Variants in CIT observed in about 807,000 individuals in gnomAD.
CIT encodes the protein citron Rho-interacting kinase.
In CIT, 79 loss-of-function variants were observed where a neutral mutation model predicts 272.7. The observed-to-expected ratio is 0.29, with a 90% CI of 0.24 to 0.35. CIT has a LOEUF of 0.35. Among genes scored for constraint, CIT ranks in the 10% least tolerant of loss-of-function variants. The probability of loss-of-function intolerance (pLI) is 1.00; values close to 1 mark genes in which losing one functional copy is unlikely to be tolerated. For synonymous variants in CIT, 948 were observed against 995.6 expected (o/e 0.95, Z 0.90); for missense variants, 1,909 against 2,618.3 (o/e 0.73, Z 5.91).
At chr12:119,724,752 A>G (rs1220925329) in intron 28 of CIT, among the ~76,000 whole-genome samples, 1 of 152,048 alleles carries the variant, frequency 6.6e-6, no homozygotes, top group Non-Finnish European at 1.5e-5. Flanking sequence ...ATCCTGGCCA[A>G]CGTGGTGAAA....
rs1221821864 is a variant in CIT at position 119,687,577 on chromosome 12, A to G, written c.*655T>C. The G allele has an allele frequency of 2.6e-5, 4 of 152,502 alleles. No individual in the cohort carries two copies. The highest frequency in any genetic ancestry group is 9.7e-5 in the African/African-American group (4 of 41,396). The allele number at this position is 152,502 out of a possible 1,614,324, so 9.4% of individuals were successfully genotyped here. The stretch of plus-strand genomic sequence containing the variant: ...GGCCATAAAAGGCAATGAAAACAGT[A>G]AACATTTGGCTACGATGTCACCCTG... On this transcript the variant is annotated 3_prime_UTR_variant, in exon 48 of 48. Coordinates refer to ENST00000392521, the MANE Select transcript of CIT (RefSeq NM_001206999.2).
intron 44 of CIT, chr12:119,699,619 C>A: frequency 5.6e-6 from 2 of 357,538 alleles, no homozygotes; most frequent in Non-Finnish European, 1.1e-5. Flanking sequence ...TGGAAAGCAA[C>A]AAGGCCTCCA....
In CIT at chr12:119,776,932, G is replaced by A. The variant is rs188355111; in HGVS notation, c.1666-90C>T. 4.4e-6 allele frequency: 6 copies of A among 1,358,466 alleles called. No individual in the cohort carries two copies. In the East Asian group the frequency reaches 1.1e-4, roughly 26 times the overall value. 84.2% of individuals were successfully genotyped at this position (1,358,466 alleles called of 1,614,324 possible). ...GGATGGAAGAGTATTAACCACACAG[G>A]GAAGATGCACAGTGAAGAGAGACTG... is the stretch of plus-strand genomic sequence containing the variant. On this transcript the variant is annotated intron_variant, in intron 13 of 47. Transcript: ENST00000392521.
At chr12:119,754,619 C>T (rs1960703095) in intron 22 of CIT, among the ~76,000 whole-genome samples, 1 of 152,180 alleles carries the variant, frequency 6.6e-6, no homozygotes, top group Non-Finnish European at 1.5e-5. Flanking sequence ...GGGGGAAGGC[C>T]CAGGTCCTTT....
chr12:119,872,547 G>A (rs1950712520), intron 2 of CIT, among the ~76,000 whole-genome samples: 1 of 152,180 alleles, frequency 6.6e-6, no homozygotes, highest in Non-Finnish European at 1.5e-5. Context: ...TGGGCAGGGG[G>A]ATCTCAGCAT....
At chr12:119,715,779 G>T (rs1957430132) in intron 32 of CIT, among the ~76,000 whole-genome samples, 1 of 152,134 alleles carries the variant, frequency 6.6e-6, no homozygotes, top group South Asian at 2.1e-4. Context: ...GATGCATCTA[G>T]ATTTATAAGA....
intron 8 of CIT, among the ~76,000 whole-genome samples, chr12:119,823,294 C>A (rs1026248492): frequency 2.0e-5 from 3 of 152,186 alleles, no homozygotes; most frequent in African/African-American, 7.2e-5. Context: ...GATCCCTGAA[C>A]AAATCATGCT....
At chr12:119,706,388 G>T (rs532870250) in intron 40 of CIT, among the ~76,000 whole-genome samples, 1 of 152,058 alleles carries the variant, frequency 6.6e-6, no homozygotes, top group Non-Finnish European at 1.5e-5. Context: ...CATCACCTGC[G>T]TATTAAGCCT....
intron 5 of CIT, among the ~76,000 whole-genome samples, chr12:119,839,773 G>C (rs1220185165): frequency 6.6e-6 from 1 of 152,140 alleles, no homozygotes; most frequent in Non-Finnish European, 1.5e-5. Flanking sequence ...TATTTACAAA[G>C]GTTCAGGTTA....
At chr12:119,746,473 C>T (rs1210916301) in intron 23 of CIT, among the ~76,000 whole-genome samples, 1 of 152,184 alleles carries the variant, frequency 6.6e-6, no homozygotes, top group Non-Finnish European at 1.5e-5. Context: ...AAAACAGAAA[C>T]AGGAAGCTGA....
intron 4 of CIT, among the ~76,000 whole-genome samples, chr12:119,854,140 G>A (rs889470786): frequency 2.3e-4 from 35 of 151,816 alleles, no homozygotes; most frequent in African/African-American, 7.5e-4. Flanking sequence ...CAATTCTCCT[G>A]CCTCAGCTCC....
intron 28 of CIT, among the ~76,000 whole-genome samples, chr12:119,724,732 G>A (rs1957988923): frequency 6.6e-6 from 1 of 152,080 alleles, no homozygotes; most frequent in South Asian, 2.1e-4. Context: ...GAGGTCAAGA[G>A]ATCGAGACCA....
chr12:119,794,099 C>T (rs1339475281), intron 10 of CIT, among the ~76,000 whole-genome samples: 1 of 152,180 alleles, frequency 6.6e-6, no homozygotes, highest in Non-Finnish European at 1.5e-5. Flanking sequence ...TGGCCACCCC[C>T]AGGCAGTCTC....
chr12:119,710,581 C>T lies in CIT; in HGVS notation c.4894G>A (p.Asp1632Asn), dbSNP rs766988778. The T allele has an allele frequency of 3.7e-6, 6 of 1,614,088 alleles. No individual in the cohort carries two copies. The highest frequency in any genetic ancestry group is 5.1e-6 in the Non-Finnish European group (6 of 1,180,054). The change falls in exon 38 of 48, where the codon GAC (aspartate) becomes AAC (asparagine). Residue 1632 changes from aspartate to asparagine, a missense_variant. By Grantham distance (23) the Asp-to-Asn change is conservative. Around this residue, in one of 8 missense-constraint regions of CIT, gnomAD observed 780 missense variants for 1,067.2 expected, o/e 0.73. Coordinates refer to ENST00000392521, the MANE Select transcript of CIT (RefSeq NM_001206999.2). This position sits in a 1 kb window ranked among gnomAD's most constrained non-coding sequence, Gnocchi z 5.6. ...GNSLLKLEGDDRLDMNCTLPF... is the reference protein window; with the variant it reads ...GNSLLKLEGDNRLDMNCTLPF... ...AGCGTGCAGTTCATGTCTAGACGGT[C>T]ATCACCTTCCAGTTTCAGCAGGGAG... is the stretch of plus-strand genomic sequence containing the variant.
chr12:119,843,748 T>G (rs1487172898), intron 5 of CIT, among the ~76,000 whole-genome samples: 5 of 151,868 alleles, frequency 3.3e-5, no homozygotes, highest in Non-Finnish European at 4.4e-5. Context: ...AGGCAGAGGT[T>G]GCAGTGAGCC....
intron 13 of CIT, among the ~76,000 whole-genome samples, chr12:119,781,075 T>G (rs1964244490): frequency 6.6e-6 from 1 of 152,218 alleles, no homozygotes; most frequent in Non-Finnish European, 1.5e-5. Context: ...CCAGGTATGT[T>G]GAACTAATGG....
Position 119,752,230 on chromosome 12 carries a change from C to T in CIT, c.2724G>A (p.Glu908=). ...GGCGCTTGAGCTCCAGTTTCTGCTC[C>T]TCGTGCTCTAGACTGACCTGAGACA... The part of the protein sequence containing the change: ...TRLREVSLEH[E]EQKLELKRQL... The change falls in exon 23 of 48, where the codon GAG becomes GAA. Residue 908 remains glutamate (E), a synonymous_variant. Transcript: ENST00000392521. 1.2e-6 allele frequency: 2 copies of T among 1,608,272 alleles called. No individual in the cohort carries two copies. The highest frequency in any genetic ancestry group is 1.7e-6 in the Non-Finnish European group (2 of 1,179,644).
chr12:119,724,236 TG>T (rs1467256071), intron 28 of CIT, among the ~76,000 whole-genome samples: 1 of 152,208 alleles, frequency 6.6e-6, no homozygotes, highest in Non-Finnish European at 1.5e-5. Flanking sequence ...TTGCAAGGAC[TG>T]TAAGAGTTAA....
intron 27 of CIT, 149 bp downstream of exon 27, chr12:119,730,346 A>T: frequency 1.1e-6 from 1 of 903,370 alleles, no homozygotes; most frequent in Non-Finnish European, 1.6e-6. Flanking sequence ...TCCCATGGTA[A>T]GGCAAAACCA....
Sources: allele counts gnomAD v4.1 joint callset (sites outside exome capture counted in the v4.1 genomes callset), GRCh38; gene constraint gnomAD v4.1.1; regional missense constraint gnomAD v4.1.1; non-coding constraint Gnocchi (gnomAD v3.1); transcripts MANE v1.5; gene names NCBI Gene and HGNC (gene_info 2026-07-23, HGNC 2026-07-21).